The following CPNE8 variants were observed in gnomAD, a reference collection of about 807,000 sequenced individuals.
The protein encoded by CPNE8 is copine-8.
A neutral mutation model predicts 81.5 loss-of-function variants in CPNE8; 45 were observed. The ratio of observed to expected loss-of-function variants is 0.55; its 90% confidence interval spans 0.44 to 0.71. CPNE8 has a LOEUF of 0.71. Ranked by LOEUF, CPNE8 falls within the 30% of genes least tolerant of loss-of-function variation. The pLI is 0.00. For synonymous variants in CPNE8, 252 were observed against 226.3 expected, an observed-to-expected ratio of 1.11 and a Z score of -1.02; for missense variants, 594 against 672.1, an observed-to-expected ratio of 0.88 and a Z score of 1.28.
At chr12:38,869,634 G>T (rs1356761977) in intron 3 of CPNE8, among the ~76,000 whole-genome samples, 1 of 151,968 alleles carries the variant, frequency 6.6e-6, no homozygotes. Context: ...CTTGCATTTC[G>T]CACTTCCTTT....
At chr12:38,676,814 C>T (rs1226614498) in intron 17 of CPNE8, among the ~76,000 whole-genome samples, 2 of 152,240 alleles carry the variant, frequency 1.3e-5, no homozygotes, top group South Asian at 2.1e-4. Context: ...GGCATCATGT[C>T]TTCTTAGTTA....
chr12:38,659,134 C>T lies in CPNE8; in HGVS notation c.1507-5064G>A, dbSNP rs142260476. 4.0e-3 allele frequency among the ~76,000 whole-genome samples: 608 copies of T among 151,986 alleles called. 9 individuals are homozygous for T. The highest frequency in any genetic ancestry group is 0.013 in the African/African-American group (547 of 41,426). Reference sequence around the variant, plus strand: ...TGGATAGTCAAGACCCATCAGTGTCCTGTACTCAGGAGACCAATCTCACAT... The same window carrying T: ...TGGATAGTCAAGACCCATCAGTGTCTTGTACTCAGGAGACCAATCTCACAT... On this transcript the variant is annotated intron_variant, in intron 19 of 19. Coordinates refer to ENST00000331366, the MANE Select transcript of CPNE8 (RefSeq NM_153634.3).
chr12:38,675,413 T>C (rs1939266058), intron 18 of CPNE8, among the ~76,000 whole-genome samples: 1 of 152,192 alleles, frequency 6.6e-6, no homozygotes, highest in African/African-American at 2.4e-5. Context: ...CTGTCAGTCT[T>C]AGGAGATATT....
At chr12:38,791,866 T>C (rs1942331280) in intron 6 of CPNE8, among the ~76,000 whole-genome samples, 1 of 151,504 alleles carries the variant, frequency 6.6e-6, no homozygotes, top group Non-Finnish European at 1.5e-5. Context: ...TTCACAAAGC[T>C]TGAAATCATG....
intron 19 of CPNE8, among the ~76,000 whole-genome samples, chr12:38,656,386 C>G (rs1938819174): frequency 6.7e-6 from 1 of 149,102 alleles, no homozygotes; most frequent in South Asian, 2.1e-4. Flanking sequence ...CTAATACACA[C>G]ATTTCATGGA....
chr12:38,774,971 T>C (rs1443928284), intron 7 of CPNE8, among the ~76,000 whole-genome samples: 1 of 152,202 alleles, frequency 6.6e-6, no homozygotes, highest in Non-Finnish European at 1.5e-5. Context: ...GTTATCTCAC[T>C]GTTCTACTCC....
rs548795887 is a variant in CPNE8 at position 38,726,762 on chromosome 12, T to G, written c.799-1863A>C. ...GGTTTAGAAGAGGTTTTTCCTAAAT[T>G]TTAGGAGTAACTTTTTAGTAGAATT... On this transcript the variant is annotated intron_variant, in intron 11 of 19. Coordinates refer to ENST00000331366, the MANE Select transcript of CPNE8 (RefSeq NM_153634.3). Among the ~76,000 whole-genome samples the G allele has an allele frequency of 2.0e-5, 3 of 152,296 alleles. No homozygotes were observed. The South Asian group carries it at 6.2e-4, about 32-fold the overall frequency.
chr12:38,768,923 A>C (rs1941745309), intron 7 of CPNE8, among the ~76,000 whole-genome samples: 1 of 152,238 alleles, frequency 6.6e-6, no homozygotes, highest in Non-Finnish European at 1.5e-5. Context: ...TAAAATGTTA[A>C]CAATGTCTGA....
chr12:38,857,861 A>C (rs768461551), intron 3 of CPNE8, among the ~76,000 whole-genome samples: 9 of 152,180 alleles, frequency 5.9e-5, no homozygotes, highest in Non-Finnish European at 1.2e-4. Context: ...GTGCCATTGC[A>C]CTCCAGCCTG....
At chr12:38,808,713 C>A (rs897952675) in intron 6 of CPNE8, among the ~76,000 whole-genome samples, 2 of 151,240 alleles carry the variant, frequency 1.3e-5, no homozygotes, top group African/African-American at 4.9e-5. Context: ...TGTAACTAAC[C>A]TGCACATTGT....
At chr12:38,699,396 A>AG (rs1939877846) in intron 14 of CPNE8, among the ~76,000 whole-genome samples, 2 of 152,194 alleles carry the variant, frequency 1.3e-5, no homozygotes, top group African/African-American at 4.8e-5. Context: ...ATATTTATGC[A>AG]TTTATATTGT....
chr12:38,866,717 T>C (rs1943919622), intron 3 of CPNE8, among the ~76,000 whole-genome samples: 4 of 152,198 alleles, frequency 2.6e-5, no homozygotes, highest in Admixed American at 2.6e-4. Flanking sequence ...TCACATTTAA[T>C]ATAAAAATGT....
In CPNE8 at chr12:38,807,596, T is replaced by C. The variant is rs374278640; in HGVS notation, c.407+21783A>G. On this transcript the variant is annotated intron_variant, in intron 6 of 19. Transcript: ENST00000331366. ...CCCTTCCTTACACCTTATACAAAAA[T>C]TAATTCAAGATGGATTAAAGACTTA... Among the ~76,000 whole-genome samples, 31 of 151,346 alleles carry C rather than the reference T, an allele frequency of 2.0e-4. No homozygotes were observed. In the East Asian group the frequency reaches 3.7e-3, roughly 18 times the overall value.
At chr12:38,703,008 TCA>T in intron 13 of CPNE8, 87 bp from the exon 14 acceptor site, 1 of 907,618 alleles carries the variant, frequency 1.1e-6, no homozygotes, top group South Asian at 1.8e-5. Context: ...TTTTTTAATG[TCA>T]CTGATTTTCT....
chr12:38,902,399 GAA>G (rs778285582), intron 1 of CPNE8, among the ~76,000 whole-genome samples: 6 of 137,160 alleles, frequency 4.4e-5, no homozygotes, highest in South Asian at 2.2e-4. Context: ...GAAAGAGAAA[GAA>G]AGAAAGAAAG....
intron 13 of CPNE8, among the ~76,000 whole-genome samples, chr12:38,711,196 T>C (rs1383045964): frequency 6.6e-6 from 1 of 152,212 alleles, no homozygotes; most frequent in Non-Finnish European, 1.5e-5. Flanking sequence ...TTCATTGCTG[T>C]TGCATCACTC....
chr12:38,833,960 A>C (rs1565640813), intron 5 of CPNE8, among the ~76,000 whole-genome samples: 3 of 152,124 alleles, frequency 2.0e-5, no homozygotes, highest in East Asian at 3.9e-4. Context: ...TCCCTGAGAC[A>C]AGTATTTGGG....
At chr12:38,840,032 C>A (rs1943443514) in intron 4 of CPNE8, 77 bp from the exon 5 acceptor site, 3 of 1,326,766 alleles carry the variant, frequency 2.3e-6, no homozygotes, top group Admixed American at 5.2e-5. Flanking sequence ...TTCCAAAACA[C>A]ATAAATAATA....
At chr12:38,744,084 G>A (rs1941171561) in intron 10 of CPNE8, among the ~76,000 whole-genome samples, 1 of 152,140 alleles carries the variant, frequency 6.6e-6, no homozygotes, top group Admixed American at 6.6e-5. Context: ...TTAAGTATCT[G>A]TGCTTTCAAG....
Sources: gnomAD v4.1 joint callset for allele counts (sites outside exome capture counted in the v4.1 genomes callset) on GRCh38, gnomAD v4.1.1 for gene constraint, MANE v1.5 for transcripts, NCBI Gene and HGNC (gene_info 2026-07-23, HGNC 2026-07-21) for gene names.